The following C12orf42 variants were observed in gnomAD, a reference collection of about 807,000 sequenced individuals.
The protein encoded by C12orf42 is chromosome 12 open reading frame 42.
A neutral mutation model predicts 21.6 loss-of-function variants in C12orf42; 25 were observed. That is an observed-to-expected ratio of 1.16 (90% confidence interval 0.84 to 1.62). The LOEUF is 1.62. C12orf42 is among the 40% of genes most tolerant of loss of function. The pLI is 0.00. For missense variants in C12orf42, 483 were observed against 459.3 expected (o/e 1.05, Z -0.47); for synonymous variants, 174 against 175.0 (o/e 0.99, Z 0.05).
chr12:103,226,611 C>T, the C12orf42 span, among the ~76,000 whole-genome samples: 1 of 152,096 alleles, frequency 6.6e-6, no homozygotes, highest in Non-Finnish European at 1.5e-5. Context: ...TTGGGGAGGG[C>T]TAGTCACGGA....
the C12orf42 span, among the ~76,000 whole-genome samples, chr12:103,132,241 T>C: frequency 6.6e-6 from 1 of 152,060 alleles, no homozygotes; most frequent in African/African-American, 2.4e-5. Context: ...TAACAGAATA[T>C]TGGAATTCAA....
chr12:103,461,647 C>T (rs1331144000), intron 2 of C12orf42, among the ~76,000 whole-genome samples: 6 of 152,148 alleles, frequency 3.9e-5, no homozygotes, highest in Admixed American at 3.3e-4. Context: ...TCTTGACTCA[C>T]TTCTGAATTG....
the C12orf42 span, among the ~76,000 whole-genome samples, chr12:103,109,075 A>G: frequency 6.6e-6 from 1 of 152,182 alleles, no homozygotes; most frequent in African/African-American, 2.4e-5. Context: ...AGAGTTTTTC[A>G]TGAGCTTGAT....
At chr12:103,204,743 C>T in the C12orf42 span, among the ~76,000 whole-genome samples, 1 of 152,146 alleles carries the variant, frequency 6.6e-6, no homozygotes, top group Admixed American at 6.5e-5. Context: ...CTGAAGGTCA[C>T]AGCATTTCAC....
chr12:103,386,092 T>G (rs1384295935), intron 3 of C12orf42, among the ~76,000 whole-genome samples: 1 of 152,224 alleles, frequency 6.6e-6, no homozygotes, highest in Non-Finnish European at 1.5e-5. Context: ...TTGGTGTTAT[T>G]ATTACCACAT....
intron 1 of C12orf42, among the ~76,000 whole-genome samples, chr12:103,483,485 T>C (rs1189830853): frequency 6.6e-6 from 1 of 152,164 alleles, no homozygotes; most frequent in Non-Finnish European, 1.5e-5. Flanking sequence ...TGAAATTTTT[T>C]TTCAGACCCT....
the C12orf42 span, among the ~76,000 whole-genome samples, chr12:103,134,225 A>G: frequency 6.6e-6 from 1 of 152,218 alleles, no homozygotes; most frequent in Non-Finnish European, 1.5e-5. Context: ...TGACACTTCC[A>G]TAGGAATACA....
At chr12:103,318,909 A>C (rs2039806098) in intron 4 of C12orf42, among the ~76,000 whole-genome samples, 1 of 152,226 alleles carries the variant, frequency 6.6e-6, no homozygotes, top group African/African-American at 2.4e-5. Flanking sequence ...TTTTGCATGC[A>C]ATTAAGTACT....
chr12:103,528,557 C>T, the C12orf42 span, among the ~76,000 whole-genome samples: 1 of 152,136 alleles, frequency 6.6e-6, no homozygotes, highest in Non-Finnish European at 1.5e-5. Context: ...AGAGAGCTGG[C>T]TGTTAAAAAG....
At chr12:103,112,041 C>T in the C12orf42 span, among the ~76,000 whole-genome samples, 3 of 152,114 alleles carry the variant, frequency 2.0e-5, no homozygotes, top group East Asian at 3.9e-4. Flanking sequence ...GTCTTATCTG[C>T]GTATCATATT....
At chr12:103,437,112 C>G (rs573990536) in intron 2 of C12orf42, among the ~76,000 whole-genome samples, 3 of 151,492 alleles carry the variant, frequency 2.0e-5, no homozygotes, top group Non-Finnish European at 4.4e-5. Flanking sequence ...CGCTCAAAAC[C>G]GCTCAACTAC....
chr12:103,287,762 A>C (rs1031771036), intron 4 of C12orf42, among the ~76,000 whole-genome samples: 1 of 151,992 alleles, frequency 6.6e-6, no homozygotes, highest in Non-Finnish European at 1.5e-5. Flanking sequence ...TACAAAAATC[A>C]GAAATTCTAA....
chr12:103,151,055 G>A, the C12orf42 span, among the ~76,000 whole-genome samples: 1 of 152,126 alleles, frequency 6.6e-6, no homozygotes, highest in South Asian at 2.1e-4. Flanking sequence ...AGCACCCTGA[G>A]TAGCTGGGAT....
chr12:103,477,252 T>C (rs140351245), intron 2 of C12orf42, among the ~76,000 whole-genome samples: 95 of 152,026 alleles, frequency 6.2e-4, no homozygotes, highest in East Asian at 1.9e-3. Flanking sequence ...GTAGTGGTCA[T>C]GGCAGGACCT....
At chr12:103,121,250 G>T in the C12orf42 span, among the ~76,000 whole-genome samples, 1 of 152,170 alleles carries the variant, frequency 6.6e-6, no homozygotes, top group Non-Finnish European at 1.5e-5. Context: ...TTATTGAACT[G>T]ATTTATTAAA....
chr12:103,548,506 A>T, the C12orf42 span, among the ~76,000 whole-genome samples: 2 of 152,246 alleles, frequency 1.3e-5, no homozygotes, highest in Non-Finnish European at 2.9e-5. Context: ...AGGTAAAATT[A>T]TGAAAAGGCC....
the C12orf42 span, among the ~76,000 whole-genome samples, chr12:103,502,155 A>G: frequency 1.3e-5 from 2 of 152,086 alleles, no homozygotes; most frequent in African/African-American, 4.8e-5. Flanking sequence ...TTCTAGAACA[A>G]TCTTTGCACC....
intron 10 of C12orf42, among the ~76,000 whole-genome samples, chr12:103,247,523 G>C (rs991105348): frequency 6.6e-6 from 1 of 152,048 alleles, no homozygotes; most frequent in African/African-American, 2.4e-5. Flanking sequence ...TAAATGCTAT[G>C]AGATTGAAAC....
At chr12:103,257,305 A>C (rs1358884255) in intron 10 of C12orf42, among the ~76,000 whole-genome samples, 1 of 152,170 alleles carries the variant, frequency 6.6e-6, no homozygotes, top group Non-Finnish European at 1.5e-5. Context: ...CCTATGATGC[A>C]ATGACACAAA....
Sources: gnomAD v4.1 joint callset for allele counts (sites outside exome capture counted in the v4.1 genomes callset) on GRCh38, gnomAD v4.1.1 for gene constraint, MANE v1.5 for transcripts, NCBI Gene and HGNC (gene_info 2026-07-23, HGNC 2026-07-21) for gene names.